The following PRDM8 variants were observed in gnomAD, a reference collection of about 807,000 sequenced individuals.
PRDM8 encodes the protein PR domain zinc finger protein 8.
In PRDM8, 13 loss-of-function variants were observed where a neutral mutation model predicts 46.5. The ratio of observed to expected loss-of-function variants is 0.28; its 90% CI spans 0.18 to 0.44. The LOEUF (loss-of-function observed/expected upper bound fraction) is 0.44, where lower values mean the gene tolerates loss of function less well. Among genes scored for constraint, PRDM8 ranks in the 20% least tolerant of loss-of-function variants. PRDM8 has a pLI of 1.00. For synonymous variants in PRDM8, 473 were observed against 438.4 expected (o/e 1.08, Z -0.98); for missense variants, 998 against 955.0 (o/e 1.04, Z -0.59).
At chr4:80,186,621 T>C (rs1406206739) in intron 1 of PRDM8, among the ~76,000 whole-genome samples, 1 of 152,150 alleles carries the variant, frequency 6.6e-6, no homozygotes, top group African/African-American at 2.4e-5. Context: ...AGGAGAGCAC[T>C]TTGCCACTCT....
chr4:80,202,685 G>C lies in PRDM8; in HGVS notation c.1223G>C (p.Gly408Ala), dbSNP rs1183584514. Residue 408 changes from glycine to alanine, a missense_variant, in exon 4 of 4, where the codon GGA (glycine) becomes GCA (alanine). Transcript: ENST00000415738. ...GAGGAGGGGACAGCCGACGGCGCGG[G>C]AGTCGCCTCCGAGGACCAGGACGCT... is the stretch of plus-strand genomic sequence containing the variant. ...LQEEGTADGA[G>A]VASEDQDAGG... 7.1e-7 allele frequency: 1 copy of C among 1,410,480 alleles called. No individual in the cohort carries two copies. The highest frequency in any genetic ancestry group is 9.2e-7 in the Non-Finnish European group (1 of 1,088,054). 87.4% of individuals were successfully genotyped at this position (1,410,480 alleles called of 1,614,324 possible). A position where few individuals can be genotyped will look rare whatever the true frequency, so the allele number is the denominator to read the frequency against.
chr4:80,203,732 A>C lies in PRDM8; in HGVS notation c.*200A>C. On this transcript the variant is annotated 3_prime_UTR_variant, in exon 4 of 4. Transcript: ENST00000415738. Reference sequence around the variant, plus strand: ...AACCTCATTCAAATATTTACCCGGGACACACACCCCCCCCCACACACACAC... The same window carrying C: ...AACCTCATTCAAATATTTACCCGGGCCACACACCCCCCCCCACACACACAC... The C allele has an allele frequency of 2.0e-6, 1 of 499,314 alleles. No homozygotes were observed. Among genetic ancestry groups the C allele is most frequent in the Non-Finnish European group, 3.4e-6 (1 of 296,616 alleles). 30.9% of individuals were successfully genotyped at this position (499,314 alleles called of 1,614,324 possible). A position where few individuals can be genotyped will look rare whatever the true frequency, so the allele number is the denominator to read the frequency against.
chr4:80,196,505 G>A (rs1163150983), upstream of PRDM8: 3 of 985,302 alleles, frequency 3.0e-6, no homozygotes, highest in Non-Finnish European at 3.6e-6. Context: ...CCTCTAAGTG[G>A]CTTAGCGCAC....
upstream of PRDM8, among the ~76,000 whole-genome samples, chr4:80,193,632 A>G (rs909738795): frequency 2.0e-5 from 3 of 152,130 alleles, no homozygotes; most frequent in African/African-American, 7.2e-5. Flanking sequence ...CTGAATGGTG[A>G]GGCTAGGTAA....
In PRDM8 at chr4:80,203,611, A is replaced by G. The variant is rs1738756612; in HGVS notation, c.*79A>G. 5.4e-6 allele frequency: 8 copies of G among 1,482,476 alleles called. No homozygotes were observed. Among genetic ancestry groups the G allele is most frequent in the Middle Eastern group, 1.8e-4 (1 of 5,614 alleles). The allele number at this position is 1,482,476 out of a possible 1,614,324, so 91.8% of individuals were successfully genotyped here. A position where few individuals can be genotyped will look rare whatever the true frequency, so the allele number is the denominator to read the frequency against. On this transcript the variant is annotated 3_prime_UTR_variant, in exon 4 of 4. Transcript: ENST00000415738. ...CAGGAATAAACACGCGAGAACATCC[A>G]CCGCTTCCTTGCACCCCGAAACCCT...
chr4:80,187,295 G>A (rs565067236), intron 1 of PRDM8, among the ~76,000 whole-genome samples: 5 of 147,888 alleles, frequency 3.4e-5, no homozygotes, highest in South Asian at 2.1e-4. Context: ...TTCAGGCCAC[G>A]TTTTCTTGAA....
chr4:80,201,156 G>A, intron 2 of PRDM8, 134 bp from the exon 3 acceptor site: 1 of 803,466 alleles, frequency 1.2e-6, no homozygotes, highest in South Asian at 1.8e-5. Context: ...CAAACTTTTG[G>A]AAGCGTGGTC....
At chr4:80,194,186 C>T (rs1410815362), upstream of PRDM8, 1 of 981,520 alleles carries the variant, frequency 1.0e-6, no homozygotes, top group Non-Finnish European at 1.2e-6. Context: ...ACTACAGTTT[C>T]CTACATGTGT....
At chr4:80,196,751 A>C (rs1333622749), upstream of PRDM8, 14 of 870,824 alleles carry the variant, frequency 1.6e-5, no homozygotes, top group Middle Eastern at 1.2e-3. Flanking sequence ...CAAACAAAAA[A>C]AAAACAGGAA....
In PRDM8 at chr4:80,200,113, G is replaced by A. The variant is rs375338780; in HGVS notation, c.33G>A (p.Trp11Ter). 1 of 1,613,746 alleles carries A rather than the reference G, an allele frequency of 6.2e-7. No homozygotes were observed. The highest frequency in any genetic ancestry group is 8.5e-7 in the Non-Finnish European group (1 of 1,179,892). The change falls in exon 2 of 4, where the codon TGG becomes TGA. Residue 11 changes from tryptophan to a stop codon, truncating the protein, a stop_gained. Coordinates refer to ENST00000415738, the MANE Select transcript of PRDM8 (RefSeq NM_001099403.2). LOFTEE classifies it high-confidence loss of function. MEDTGIQRGI[W>*]DGDAKAVQQC... ...ATACTGGCATCCAGCGAGGCATCTG[G>A]GATGGAGATGCCAAGGCTGTCCAAC...
intron 1 of PRDM8, among the ~76,000 whole-genome samples, chr4:80,187,244 T>TGCGGGGGGGGGGGGGGG (rs60061648): frequency 1.1e-5 from 1 of 89,920 alleles, no homozygotes; most frequent in African/African-American, 4.4e-5. Context: ...TTCTCTGCCC[T>TGCGGGGGGGGGGGGGGG]GGGGCGGGGG....
upstream of PRDM8, chr4:80,197,347 G>A (rs2292845): frequency 0.012 from 11,149 of 963,008 alleles, 800 homozygotes; most frequent in African/African-American, 0.17. Context: ...CAGGATCTGC[G>A]GGGCGCGGGC....
chr4:80,200,319 G>C lies in PRDM8; in HGVS notation c.219+20G>C. ...TTTCGGGTAAGTCTCCACTGTAGCT[G>C]TGTAGGTGTATGAGGGTAATGTCCT... is the stretch of plus-strand genomic sequence containing the variant. On this transcript the variant is annotated intron_variant, in intron 2 of 3. Coordinates refer to ENST00000415738, the MANE Select transcript of PRDM8 (RefSeq NM_001099403.2). 1 of 1,576,688 alleles carries C rather than the reference G, an allele frequency of 6.3e-7. No individual in the cohort carries two copies. Among genetic ancestry groups the C allele is most frequent in the Non-Finnish European group, 8.7e-7 (1 of 1,146,588 alleles).
intron 1 of PRDM8, among the ~76,000 whole-genome samples, chr4:80,188,854 G>C (rs552670467): frequency 1.1e-4 from 17 of 152,366 alleles, no homozygotes; most frequent in Non-Finnish European, 1.9e-4. Flanking sequence ...TCCGTCTGTC[G>C]TGCGGCCCAC....
intron 1 of PRDM8, chr4:80,191,328 C>A (rs1737526675): frequency 6.6e-6 from 1 of 152,166 alleles, no homozygotes; most frequent in African/African-American, 2.4e-5. Context: ...ACATCTAGGT[C>A]ATTATATTCA....
At chr4:80,187,249 C>CGG (rs138488658) in intron 1 of PRDM8, among the ~76,000 whole-genome samples, 8,332 of 121,734 alleles carry the variant, frequency 0.068, 1,202 homozygotes, top group Non-Finnish European at 0.11. Flanking sequence ...TGCCCTGGGG[C>CGG]GGGGGGAAGC....
chr4:80,185,504 A>AAGG (rs1351592808), exon 1 of PRDM8: 2 of 152,346 alleles, frequency 1.3e-5, no homozygotes, highest in African/African-American at 2.4e-5. Context: ...GAAAATCGTC[A>AAGG]GGGGCGGCGG....
chr4:80,198,690 G>A (rs916142760), intron 1 of PRDM8, among the ~76,000 whole-genome samples: 2 of 152,040 alleles, frequency 1.3e-5, no homozygotes, highest in African/African-American at 4.8e-5. Context: ...GCTGGAATGG[G>A]GGGAAAAAAG....
At chr4:80,187,292 C>A (rs1737191057) in intron 1 of PRDM8, among the ~76,000 whole-genome samples, 1 of 146,544 alleles carries the variant, frequency 6.8e-6, no homozygotes, top group Non-Finnish European at 1.5e-5. Context: ...TGTTTCAGGC[C>A]ACGTTTTCTT....
Sources: gnomAD v4.1 joint callset for allele counts (sites outside exome capture counted in the v4.1 genomes callset) on GRCh38, gnomAD v4.1.1 for gene constraint, MANE v1.5 for transcripts, NCBI Gene and HGNC (gene_info 2026-07-23, HGNC 2026-07-21) for gene names.